SKAP1: variants seen among roughly 807,000 people sequenced by gnomAD.
The protein encoded by SKAP1 is src kinase associated phosphoprotein 1, also known as src kinase-associated phosphoprotein 1.
Under a neutral mutation model 58.5 loss-of-function variants are expected in SKAP1, and 44 were observed. The ratio of observed to expected loss-of-function variants is 0.75; its 90% CI spans 0.59 to 0.97. The LOEUF (loss-of-function observed/expected upper bound fraction) is 0.97, where lower values mean the gene tolerates loss of function less well. Ranked by LOEUF, SKAP1 falls within the 50% of genes least tolerant of loss-of-function variation. SKAP1 has a pLI of 0.00. For missense variants in SKAP1, 390 were observed against 435.2 expected (o/e 0.90, Z 0.92); for synonymous variants, 127 against 149.7 (o/e 0.85, Z 1.11).
chr17:48,149,641 CG>C (rs770184309), intron 11 of SKAP1, among the ~76,000 whole-genome samples: 471 of 152,180 alleles, frequency 3.1e-3, no homozygotes, highest in Non-Finnish European at 5.4e-3. Context: ...ACCCTACCCT[CG>C]GTGGGGTCAT....
intron 11 of SKAP1, among the ~76,000 whole-genome samples, chr17:48,161,330 T>G (rs924946865): frequency 6.6e-6 from 1 of 152,234 alleles, no homozygotes; most frequent in African/African-American, 2.4e-5. Flanking sequence ...ATCCACATAC[T>G]CAGCAATTAA....
At chr17:48,430,812 G>C (rs2067909288), upstream of SKAP1, among the ~76,000 whole-genome samples, 2 of 152,208 alleles carry the variant, frequency 1.3e-5, no homozygotes, top group South Asian at 4.1e-4. Context: ...CCTGAGGAAA[G>C]GAAGGGGTAA....
At chr17:48,136,061 C>A (rs1239948397) in intron 12 of SKAP1, among the ~76,000 whole-genome samples, 4 of 152,184 alleles carry the variant, frequency 2.6e-5, no homozygotes, top group Non-Finnish European at 5.9e-5. Context: ...TATAAGCTTT[C>A]TTTACAGCTT....
intron 11 of SKAP1, among the ~76,000 whole-genome samples, chr17:48,159,127 A>G: frequency 6.6e-6 from 1 of 152,196 alleles, no homozygotes; most frequent in Middle Eastern, 3.2e-3. Context: ...ATAGAGAGAG[A>G]GGGGGAAACC....
intron 4 of SKAP1, among the ~76,000 whole-genome samples, chr17:48,229,503 C>G (rs933911662): frequency 2.6e-5 from 4 of 152,024 alleles, no homozygotes; most frequent in Non-Finnish European, 5.9e-5. Flanking sequence ...TGACTGTAAT[C>G]TCAGCTACTC....
At chr17:48,386,734 G>A (rs1050512973) in intron 2 of SKAP1, among the ~76,000 whole-genome samples, 1 of 152,180 alleles carries the variant, frequency 6.6e-6, no homozygotes, top group Admixed American at 6.5e-5. Context: ...ATGGGGGCAG[G>A]AGCAGGGAAG....
the SKAP1 span, among the ~76,000 whole-genome samples, chr17:48,436,045 C>T: frequency 6.6e-6 from 1 of 151,786 alleles, no homozygotes; most frequent in African/African-American, 2.4e-5. Flanking sequence ...TGTCAGTGTC[C>T]ATTTCATTTT....
intron 4 of SKAP1, chr17:48,307,435 C>T (rs547281856): frequency 1.3e-5 from 2 of 152,438 alleles, no homozygotes; most frequent in South Asian, 4.1e-4. Flanking sequence ...CAGCAGAGTT[C>T]AGACAGGTCA....
At chr17:48,295,842 T>A (rs2065962612) in intron 4 of SKAP1, among the ~76,000 whole-genome samples, 1 of 152,076 alleles carries the variant, frequency 6.6e-6, no homozygotes. Context: ...ACCAATTTTT[T>A]AAAATTCTAA....
chr17:48,243,697 C>CA (rs2065265420), intron 4 of SKAP1, among the ~76,000 whole-genome samples: 1 of 152,024 alleles, frequency 6.6e-6, no homozygotes, highest in African/African-American at 2.4e-5. Flanking sequence ...TTTTGCAGTA[C>CA]AATGAATGCT....
intron 4 of SKAP1, among the ~76,000 whole-genome samples, chr17:48,290,734 G>A (rs1435129644): frequency 6.6e-6 from 1 of 152,162 alleles, no homozygotes; most frequent in Non-Finnish European, 1.5e-5. Flanking sequence ...CATAGTAGGT[G>A]CCCAGTAAAT....
rs755054813 is a variant in SKAP1, at chr17:48,187,944, A to C, written c.359-18T>G. 1.3e-6 allele frequency: 2 copies of C among 1,592,684 alleles called. No homozygotes were observed. The highest frequency in any genetic ancestry group is 1.7e-6 in the Non-Finnish European group (2 of 1,160,894). On this transcript the variant is annotated intron_variant, in intron 5 of 12. Transcript: ENST00000336915. Reference sequence around the variant, plus strand: ...ACTATGATCTAAACAGAACAGCAGTAGGGGACATAAATTCAGGTAACTACC... The same window carrying C: ...ACTATGATCTAAACAGAACAGCAGTCGGGGACATAAATTCAGGTAACTACC...
chr17:48,301,116 C>T (rs1236612409), intron 4 of SKAP1, among the ~76,000 whole-genome samples: 1 of 152,144 alleles, frequency 6.6e-6, no homozygotes, highest in African/African-American at 2.4e-5. Context: ...AAAAGCTCCT[C>T]TCTCCTCCTA....
At chr17:48,298,810 T>C (rs771402036) in intron 4 of SKAP1, among the ~76,000 whole-genome samples, 2 of 152,146 alleles carry the variant, frequency 1.3e-5, no homozygotes, top group Non-Finnish European at 2.9e-5. Flanking sequence ...TCCATGTTAG[T>C]GGGGGAAGGG....
At chr17:48,444,299 G>C in the SKAP1 span, among the ~76,000 whole-genome samples, 2 of 152,160 alleles carry the variant, frequency 1.3e-5, no homozygotes, top group African/African-American at 4.8e-5. Context: ...GCTGAGGCAG[G>C]AGAATCGCTT....
intron 4 of SKAP1, among the ~76,000 whole-genome samples, chr17:48,191,352 A>G (rs573102416): frequency 1.3e-4 from 20 of 152,370 alleles, no homozygotes; most frequent in Admixed American, 3.9e-4. Flanking sequence ...TATTCTTTTT[A>G]GTCCCAGAAC....
chr17:48,187,218 GT>G, intron 6 of SKAP1, among the ~76,000 whole-genome samples: 1 of 152,162 alleles, frequency 6.6e-6, no homozygotes, highest in East Asian at 1.9e-4. Flanking sequence ...GTCTTCTAGG[GT>G]TAGCTCATGA....
At chr17:48,196,058 A>G (rs1044260254) in intron 4 of SKAP1, among the ~76,000 whole-genome samples, 1 of 152,234 alleles carries the variant, frequency 6.6e-6, no homozygotes, top group African/African-American at 2.4e-5. Context: ...GCATTTTTAC[A>G]TCTAAGTCCC....
chr17:48,403,450 AGT>A (rs151330634), intron 1 of SKAP1, among the ~76,000 whole-genome samples: 2,442 of 151,276 alleles, frequency 0.016, 76 homozygotes, highest in African/African-American at 0.057. Context: ...TATATGTATC[AGT>A]GTGTGTGTGT....
Sources: allele counts gnomAD v4.1 joint callset (sites outside exome capture counted in the v4.1 genomes callset), GRCh38; gene constraint gnomAD v4.1.1; transcripts MANE v1.5; gene names NCBI Gene and HGNC (gene_info 2026-07-23, HGNC 2026-07-21).